TAFA4: variants seen among roughly 807,000 people sequenced by gnomAD.
The protein encoded by TAFA4 is TAFA chemokine like family member 4.
In TAFA4, 20 loss-of-function variants were observed where a neutral mutation model predicts 21.1. The ratio of observed to expected loss-of-function variants is 0.95; its 90% CI spans 0.67 to 1.38. TAFA4 has a LOEUF of 1.38. Ranked by LOEUF, TAFA4 falls within the 40% of genes most tolerant of loss-of-function variation. The pLI, the probability that TAFA4 is intolerant of heterozygous loss-of-function variation, is 0.00. For synonymous variants in TAFA4, 71 were observed against 67.4 expected (o/e 1.05, Z -0.26); for missense variants, 211 against 180.9 (o/e 1.17, Z -0.95).
chr3:68,868,791 T>C (rs982905326), intron 3 of TAFA4, among the ~76,000 whole-genome samples: 3 of 150,930 alleles, frequency 2.0e-5, no homozygotes, highest in African/African-American at 7.3e-5. Flanking sequence ...TTCAAAAGAG[T>C]AGAACAAGTT....
chr3:68,845,836 A>G (rs771344620), intron 3 of TAFA4, among the ~76,000 whole-genome samples: 11 of 152,278 alleles, frequency 7.2e-5, no homozygotes, highest in South Asian at 2.1e-4. Flanking sequence ...GATGTTGAAT[A>G]TTGGCCCCCA....
chr3:68,915,904 T>G (rs140234491), intron 1 of TAFA4, among the ~76,000 whole-genome samples: 232 of 152,362 alleles, frequency 1.5e-3, no homozygotes, highest in Admixed American at 4.4e-3. Context: ...TCTATCTCCA[T>G]TCAATAAATA....
At chr3:68,753,590 C>G (rs928544513) in intron 3 of TAFA4, among the ~76,000 whole-genome samples, 2 of 152,148 alleles carry the variant, frequency 1.3e-5, no homozygotes, top group Non-Finnish European at 1.5e-5. Flanking sequence ...CCTGCCTCAG[C>G]CTCCCAAAGT....
At chr3:68,760,951 A>AAG (rs1702746002) in intron 3 of TAFA4, among the ~76,000 whole-genome samples, 1 of 152,190 alleles carries the variant, frequency 6.6e-6, no homozygotes, top group Non-Finnish European at 1.5e-5. Flanking sequence ...AGGACAGTAG[A>AAG]AGAGAGAGAC....
At chr3:68,892,255 G>C (rs992363360) in intron 1 of TAFA4, among the ~76,000 whole-genome samples, 3 of 152,154 alleles carry the variant, frequency 2.0e-5, no homozygotes, top group Non-Finnish European at 1.5e-5. Context: ...AAAAACATCA[G>C]TGAAGAATTT....
At chr3:68,735,756 A>G (rs1702230868) in intron 5 of TAFA4, among the ~76,000 whole-genome samples, 1 of 152,104 alleles carries the variant, frequency 6.6e-6, no homozygotes, top group Non-Finnish European at 1.5e-5. Context: ...AAACAAAATG[A>G]AGTAAAAGAA....
At chr3:68,840,036 C>G (rs1704622435) in intron 3 of TAFA4, among the ~76,000 whole-genome samples, 1 of 152,210 alleles carries the variant, frequency 6.6e-6, no homozygotes, top group Non-Finnish European at 1.5e-5. Context: ...GAGAAGCTGT[C>G]TATGCCACTG....
At chr3:68,919,828 A>G (rs910463104) in intron 1 of TAFA4, among the ~76,000 whole-genome samples, 13 of 152,332 alleles carry the variant, frequency 8.5e-5, no homozygotes, top group African/African-American at 3.1e-4. Context: ...CCAAGAGAAC[A>G]TAATGATAAG....
intron 4 of TAFA4, among the ~76,000 whole-genome samples, chr3:68,748,743 CAAAA>C (rs780362480): frequency 1.0e-4 from 6 of 60,040 alleles, no homozygotes; most frequent in African/African-American, 1.7e-4. Context: ...GACTCCGTCT[CAAAA>C]AAAAAAAAAA....
In TAFA4 at chr3:68,808,733, C is replaced by T. The variant is rs79998119; in HGVS notation, c.131-55715G>A. 2.0e-5 allele frequency among the ~76,000 whole-genome samples: 3 copies of T among 152,284 alleles called. No individual in the cohort carries two copies. In the East Asian group the frequency reaches 5.8e-4, roughly 29 times the overall value. The stretch of plus-strand genomic sequence containing the variant: ...CTAGAGATAACAATTAAGTGTGGCA[C>T]AGCAGTCAGAATAGGTTAAGTTACA... On this transcript the variant is annotated intron_variant, in intron 3 of 5. Coordinates refer to ENST00000295569, the MANE Select transcript of TAFA4 (RefSeq NM_182522.5).
At chr3:68,806,121 G>A (rs546416990) in intron 3 of TAFA4, among the ~76,000 whole-genome samples, 1 of 152,186 alleles carries the variant, frequency 6.6e-6, no homozygotes, top group Non-Finnish European at 1.5e-5. Flanking sequence ...ACTGTAAAAA[G>A]CAATATGCCA....
At chr3:68,820,466 A>G (rs183134879) in intron 3 of TAFA4, among the ~76,000 whole-genome samples, 21 of 152,258 alleles carry the variant, frequency 1.4e-4, no homozygotes, top group African/African-American at 5.1e-4. Context: ...ATTTGAGACC[A>G]GGAGTTTGAG....
chr3:68,904,399 T>C (rs898483546), intron 1 of TAFA4, among the ~76,000 whole-genome samples: 3 of 152,206 alleles, frequency 2.0e-5, no homozygotes, highest in African/African-American at 7.2e-5. Flanking sequence ...TTCTAAGATA[T>C]TTAGGATGAC....
At chr3:68,894,302 G>A (rs2089762115) in intron 1 of TAFA4, among the ~76,000 whole-genome samples, 1 of 152,056 alleles carries the variant, frequency 6.6e-6, no homozygotes, top group Admixed American at 6.6e-5. Flanking sequence ...GGGATGATAG[G>A]CACGCATCCC....
intron 3 of TAFA4, among the ~76,000 whole-genome samples, chr3:68,764,603 CT>C (rs1702813800): frequency 6.6e-6 from 1 of 152,144 alleles, no homozygotes; most frequent in Non-Finnish European, 1.5e-5. Flanking sequence ...AGTAAATTGG[CT>C]TTTTAGCCTA....
intron 3 of TAFA4, among the ~76,000 whole-genome samples, chr3:68,789,366 CAT>C (rs2106810264): frequency 6.6e-6 from 1 of 152,094 alleles, no homozygotes; most frequent in South Asian, 2.1e-4. Flanking sequence ...ATGCCTGTAT[CAT>C]ACTGTTTTAA....
chr3:68,882,424 C>T (rs1268855999), intron 2 of TAFA4, among the ~76,000 whole-genome samples: 3 of 152,088 alleles, frequency 2.0e-5, no homozygotes, highest in Non-Finnish European at 4.4e-5. Flanking sequence ...TCCTGGCATC[C>T]CCGGGCTCAC....
In TAFA4 at chr3:68,736,628, G is replaced by A. The variant is rs188864152; in HGVS notation, c.411+2447C>T. ...TATTGTTATACAGTTTAGTTAATAC[G>A]TCCTCTAGGGAGACAATTGCTCTGC... On this transcript the variant is annotated intron_variant, in intron 5 of 5. Coordinates refer to ENST00000295569, the MANE Select transcript of TAFA4 (RefSeq NM_182522.5). 2.2e-3 allele frequency among the ~76,000 whole-genome samples: 329 copies of A among 152,106 alleles called. 2 individuals carry two copies. Among genetic ancestry groups the A allele is most frequent in the East Asian group, 5.0e-3 (26 of 5,170 alleles).
intron 3 of TAFA4, among the ~76,000 whole-genome samples, chr3:68,814,768 C>T (rs568465002): frequency 2.0e-4 from 31 of 152,262 alleles, no homozygotes; most frequent in African/African-American, 7.2e-4. Context: ...AACGCCATAC[C>T]CATCAAGCTA....
Sources: gnomAD v4.1 joint callset for allele counts (sites outside exome capture counted in the v4.1 genomes callset) on GRCh38, gnomAD v4.1.1 for gene constraint, MANE v1.5 for transcripts, NCBI Gene and HGNC (gene_info 2026-07-23, HGNC 2026-07-21) for gene names.